ITIH2: variants seen among roughly 807,000 people sequenced by gnomAD.
The protein encoded by ITIH2 is inter-alpha-trypsin inhibitor heavy chain H2.
In ITIH2, 103 loss-of-function variants were observed where a neutral mutation model predicts 104.4. The ratio of observed to expected loss-of-function variants is 0.99; its 90% CI spans 0.84 to 1.16. ITIH2 has a LOEUF of 1.16. Ranked by LOEUF, ITIH2 falls within the 50% of genes most tolerant of loss-of-function variation. The pLI, the probability that ITIH2 is intolerant of heterozygous loss-of-function variation, is 0.00. For missense variants in ITIH2, 1,108 were observed against 1,162.4 expected, an observed-to-expected ratio of 0.95 and a Z score of 0.68; for synonymous variants, 436 against 435.4, an observed-to-expected ratio of 1.00 and a Z score of -0.02.
intron 16 of ITIH2, 61 bp from the exon 17 acceptor site, chr10:7,743,085 A>G (rs1404530177): frequency 1.3e-6 from 1 of 794,832 alleles, no homozygotes; most frequent in Admixed American, 2.3e-5. Flanking sequence ...GGAATGACAT[A>G]GTGCTCAAAA....
At chr10:7,740,689 TAGAC>T (rs1409503272) in intron 16 of ITIH2, among the ~76,000 whole-genome samples, 1 of 152,220 alleles carries the variant, frequency 6.6e-6, no homozygotes, top group Non-Finnish European at 1.5e-5. Flanking sequence ...ACTTCAAAGT[TAGAC>T]AGTCCTGGAG....
intron 1 of ITIH2, among the ~76,000 whole-genome samples, chr10:7,704,658 C>T (rs1834728016): frequency 6.6e-6 from 1 of 152,172 alleles, no homozygotes; most frequent in Admixed American, 6.5e-5. Flanking sequence ...TTGGACACCT[C>T]TGAGACGTAA....
Position 7,732,373 on chromosome 10 carries a change from G to C in ITIH2, c.1683G>C (p.Gln561His), listed in dbSNP as rs754598755. 8 of 1,614,106 alleles carry C rather than the reference G, an allele frequency of 5.0e-6. No individual in the cohort carries two copies. In the African/African-American group the frequency reaches 8.0e-5, roughly 16 times the overall value. ...NTQLVLETLA[Q>H]MDDLQDFLSK... ...AGTTAGTCTTGGAGACCCTGGCCCAGATGGACGACTTGCAGGATTTTCTAT... is the reference window on the plus strand; with the variant it reads ...AGTTAGTCTTGGAGACCCTGGCCCACATGGACGACTTGCAGGATTTTCTAT... Residue 561 changes from glutamine to histidine, a missense_variant, in exon 14 of 21, where the codon CAG becomes CAC. Physicochemically the swap from Gln to His is conservative, Grantham distance 24. Coordinates refer to ENST00000358415, the MANE Select transcript of ITIH2 (RefSeq NM_002216.3).
intron 6 of ITIH2, among the ~76,000 whole-genome samples, chr10:7,720,548 TTTTTTC>T (rs1438184691): frequency 2.0e-5 from 3 of 152,152 alleles, no homozygotes; most frequent in Non-Finnish European, 4.4e-5. Flanking sequence ...AAGGAATTCT[TTTTTTC>T]CCTAACAATG....
At chr10:7,736,813 T>C (rs1835059783) in intron 15 of ITIH2, among the ~76,000 whole-genome samples, 1 of 152,168 alleles carries the variant, frequency 6.6e-6, no homozygotes. Flanking sequence ...TAAGAGAACT[T>C]GTATGGGCAG....
At chr10:7,716,363 C>G (rs1177235010) in intron 5 of ITIH2, among the ~76,000 whole-genome samples, 1 of 152,196 alleles carries the variant, frequency 6.6e-6, no homozygotes, top group Non-Finnish European at 1.5e-5. Context: ...GCTGTTTTCT[C>G]TTTAAACCAT....
At position 7,738,763 on chromosome 10, in the gene ITIH2, C is replaced by G. The variant is rs759345391; in HGVS notation, c.2095+5C>G. The stretch of plus-strand genomic sequence containing the variant: ...CACCCCCACATGTGATGAGAGGTAA[C>G]GCTTCTACACTGCTTGCACGTCCCA... On this transcript the variant is annotated splice_donor_5th_base_variant and intron_variant, in intron 16 of 20. Transcript: ENST00000358415. The G allele has an allele frequency of 6.3e-7, 1 of 1,588,644 alleles. No homozygotes were observed. Among genetic ancestry groups the G allele is most frequent in the Non-Finnish European group, 8.6e-7 (1 of 1,167,732 alleles).
chr10:7,707,305 G>T, intron 3 of ITIH2, 72 bp downstream of exon 3: 1 of 1,141,462 alleles, frequency 8.8e-7, no homozygotes. Context: ...CAATCTGGGT[G>T]TCTCTTTTTT....
chr10:7,708,575 G>T (rs1251090976), intron 3 of ITIH2, among the ~76,000 whole-genome samples: 2 of 152,112 alleles, frequency 1.3e-5, no homozygotes, highest in Non-Finnish European at 2.9e-5. Flanking sequence ...CCATATGTGT[G>T]TTTCCACCCC....
chr10:7,748,869 T>C (rs770787026), intron 20 of ITIH2, among the ~76,000 whole-genome samples: 11 of 152,100 alleles, frequency 7.2e-5, no homozygotes, highest in Non-Finnish European at 1.6e-4. Flanking sequence ...TTAAGTGACC[T>C]GTGAGGTCAG....
chr10:7,740,043 G>A (rs757570815), intron 16 of ITIH2, among the ~76,000 whole-genome samples: 18 of 152,064 alleles, frequency 1.2e-4, no homozygotes, highest in South Asian at 4.1e-4. Context: ...AAAATTAGCC[G>A]GGCATGGTGG....
rs1352799977 is a variant in ITIH2 at position 7,732,421 on chromosome 10, C to T, written c.1731C>T (p.Pro577=). ...DFLSKDKHAD[P]DFTRKLWAYL... ...TATCGAAAGACAAGCATGCAGATCC[C>T]GATTTCACCAGGAAACTGTGGGCCT... The change falls in exon 14 of 21, where the codon CCC becomes CCT. Residue 577 remains proline (P), a synonymous_variant. Transcript: ENST00000358415. 3.1e-6 allele frequency: 5 copies of T among 1,614,000 alleles called. No individual in the cohort carries two copies. Among genetic ancestry groups the T allele is most frequent in the South Asian group, 1.1e-5 (1 of 91,056 alleles).
At chr10:7,738,232 ATAT>A (rs1284052327) in intron 15 of ITIH2, among the ~76,000 whole-genome samples, 1 of 109,492 alleles carries the variant, frequency 9.1e-6, no homozygotes, top group African/African-American at 3.5e-5. Context: ...ATAATATTAT[ATAT>A]TATATTCTAT....
intron 4 of ITIH2, among the ~76,000 whole-genome samples, chr10:7,711,929 C>A (rs930446435): frequency 1.3e-5 from 2 of 152,140 alleles, no homozygotes; most frequent in African/African-American, 4.8e-5. Context: ...TCTGACCAAC[C>A]ATTACTTGGT....
At chr10:7,716,989 C>A (rs1196827095) in intron 5 of ITIH2, among the ~76,000 whole-genome samples, 1 of 150,772 alleles carries the variant, frequency 6.6e-6, no homozygotes, top group African/African-American at 2.5e-5. Context: ...TTCTTGTTAC[C>A]CAGACTGGAG....
chr10:7,746,770 A>G (rs890258800), intron 20 of ITIH2, 66 bp downstream of exon 20: 11 of 944,460 alleles, frequency 1.2e-5, no homozygotes, highest in African/African-American at 1.6e-5. Flanking sequence ...ACACAGCAAA[A>G]TAGAGGAGCA....
rs758219277 is a variant in ITIH2 at position 7,744,683 on chromosome 10, G to T, written c.2409-108G>T. ...ACTGTTGCAAGCGCTTAGATAACTA[G>T]CGGAATTGTCTGGGAGGAGTGAAGA... is the stretch of plus-strand genomic sequence containing the variant. On this transcript the variant is annotated intron_variant, in intron 18 of 20. Coordinates refer to ENST00000358415, the MANE Select transcript of ITIH2 (RefSeq NM_002216.3). The T allele has an allele frequency of 5.5e-4, 484 of 875,802 alleles. 1 individual carries two copies. The highest frequency in any genetic ancestry group is 7.6e-4 in the Non-Finnish European group (437 of 577,308). The allele number at this position is 875,802 out of a possible 1,614,324, so 54.3% of individuals were successfully genotyped here. A position where few individuals can be genotyped will look rare whatever the true frequency, so the allele number is the denominator to read the frequency against.
In ITIH2 at chr10:7,703,514, C is replaced by G; in HGVS notation, c.80C>G (p.Ser27Cys). The G allele has an allele frequency of 6.2e-7, 1 of 1,602,668 alleles. No individual in the cohort carries two copies. Among genetic ancestry groups the G allele is most frequent in the East Asian group, 2.2e-5 (1 of 44,822 alleles). Residue 27 changes from serine (S) to cysteine (C), a missense_variant, in exon 1 of 21, where the codon TCT becomes TGT. By Grantham distance (112) the Ser-to-Cys change is moderately radical. Transcript: ENST00000358415. The part of the protein sequence containing the change: ...SGFEIPINGL[S>C]EFVDYEDLVE... ...TTCGAAATCCCCATAAATGGACTTT[C>G]TGAAGTAAGTACTTACAGATCACTC...
At chr10:7,715,455 C>G (rs1338644485) in intron 5 of ITIH2, among the ~76,000 whole-genome samples, 1 of 152,104 alleles carries the variant, frequency 6.6e-6, no homozygotes, top group Non-Finnish European at 1.5e-5. Context: ...CTTTGTCCAT[C>G]ATTTTGACCA....
Sources: gnomAD v4.1 joint callset for allele counts (sites outside exome capture counted in the v4.1 genomes callset) on GRCh38, gnomAD v4.1.1 for gene constraint, MANE v1.5 for transcripts, NCBI Gene and HGNC (gene_info 2026-07-23, HGNC 2026-07-21) for gene names.